The following KIF26B variants were observed in gnomAD, a reference collection of about 807,000 sequenced individuals.
KIF26B encodes the protein kinesin-like protein KIF26B.
KIF26B carries 63 observed loss-of-function variants against 151.2 expected under a neutral mutation model. The observed-to-expected ratio is 0.42, with a 90% CI of 0.34 to 0.51. The LOEUF (loss-of-function observed/expected upper bound fraction) is 0.51, where lower values mean the gene tolerates loss of function less well. Ranked by LOEUF, KIF26B falls within the 20% of genes least tolerant of loss-of-function variation. The probability of loss-of-function intolerance (pLI) is 0.07; values close to 1 mark genes in which losing one functional copy is unlikely to be tolerated. For synonymous variants in KIF26B, 1,357 were observed against 1,262.1 expected (o/e 1.08, Z -1.59); for missense variants, 2,813 against 2,913.6 (o/e 0.97, Z 0.79).
At chr1:245,441,914 C>T (rs1399490325) in intron 4 of KIF26B, among the ~76,000 whole-genome samples, 1 of 152,176 alleles carries the variant, frequency 6.6e-6, no homozygotes, top group Non-Finnish European at 1.5e-5. Context: ...ACAGAATCCA[C>T]AGACACTGGC....
intron 5 of KIF26B, among the ~76,000 whole-genome samples, chr1:245,547,781 A>G (rs1661781267): frequency 6.6e-6 from 1 of 152,138 alleles, no homozygotes; most frequent in Non-Finnish European, 1.5e-5. Flanking sequence ...CGCTACATAT[A>G]AAATACTCAT....
At chr1:245,233,657 T>A (rs1037051039) in intron 2 of KIF26B, among the ~76,000 whole-genome samples, 2 of 152,100 alleles carry the variant, frequency 1.3e-5, no homozygotes, top group Non-Finnish European at 1.5e-5. Flanking sequence ...TAAAAAAAAA[T>A]CTCTTAACTA....
At chr1:245,464,856 C>T (rs1032210817) in intron 4 of KIF26B, among the ~76,000 whole-genome samples, 9 of 152,052 alleles carry the variant, frequency 5.9e-5, no homozygotes, top group African/African-American at 1.9e-4. Context: ...GAGCAGAGAG[C>T]AGTGAGCAGA....
rs577248594 is a variant in KIF26B at position 245,564,990 on chromosome 1, G to A, written c.1350+24040G>A. Among the ~76,000 whole-genome samples the A allele has an allele frequency of 7.2e-5, 11 of 152,248 alleles. No individual in the cohort carries two copies. The highest frequency in any genetic ancestry group is 1.9e-4 in the East Asian group (1 of 5,178). On this transcript the variant is annotated intron_variant, in intron 5 of 14. Coordinates refer to ENST00000407071, the MANE Select transcript of KIF26B (RefSeq NM_018012.4). This position sits in a 1 kb window ranked among gnomAD's most constrained non-coding sequence, Gnocchi z 4.6. ...ACAGGACACCGACTAGCACTGGTCC[G>A]TGGCCTGGGGGTTAGGGAGCCCTGC...
At chr1:245,615,291 T>A (rs917480314) in intron 9 of KIF26B, 1 of 152,210 alleles carries the variant, frequency 6.6e-6, no homozygotes, top group Non-Finnish European at 1.5e-5. Flanking sequence ...CAGAAAAACT[T>A]GGGAGATGGG....
intron 2 of KIF26B, among the ~76,000 whole-genome samples, chr1:245,235,426 T>TAA (rs879421807): frequency 6.9e-6 from 1 of 144,374 alleles, no homozygotes; most frequent in Admixed American, 7.0e-5. Context: ...ATCCTTTCCT[T>TAA]AAAAAAAAAA....
At chr1:245,385,170 G>A (rs151179505) in intron 3 of KIF26B, among the ~76,000 whole-genome samples, 8 of 152,206 alleles carry the variant, frequency 5.3e-5, no homozygotes, top group African/African-American at 1.9e-4. Flanking sequence ...TACACAACAG[G>A]TTTGGCAGAA....
chr1:245,174,684 T>A (rs1404040978), intron 2 of KIF26B, among the ~76,000 whole-genome samples: 1 of 152,088 alleles, frequency 6.6e-6, no homozygotes, highest in Non-Finnish European at 1.5e-5. Context: ...TCAGCAACTA[T>A]TTTTACAGTA....
chr1:245,413,094 C>G (rs1674326435), intron 3 of KIF26B, among the ~76,000 whole-genome samples: 1 of 152,158 alleles, frequency 6.6e-6, no homozygotes, highest in Admixed American at 6.5e-5. Context: ...AGAACTAAAC[C>G]AAATAAAATC....
intron 2 of KIF26B, among the ~76,000 whole-genome samples, chr1:245,360,887 G>A (rs374227148): frequency 5.3e-5 from 8 of 152,274 alleles, no homozygotes; most frequent in Admixed American, 1.3e-4. Context: ...GGCGGTGAAC[G>A]CCTGTAGTCC....
intron 2 of KIF26B, among the ~76,000 whole-genome samples, chr1:245,312,495 A>G (rs1671682453): frequency 1.3e-5 from 2 of 152,040 alleles, no homozygotes; most frequent in African/African-American, 4.8e-5. Context: ...ATTCTAATTC[A>G]TTCCTTTTCT....
chr1:245,661,609 A>G (rs2044140222), intron 10 of KIF26B, among the ~76,000 whole-genome samples: 1 of 151,080 alleles, frequency 6.6e-6, no homozygotes, highest in Non-Finnish European at 1.5e-5. Context: ...ACCCAATGAT[A>G]TATATATACA....
At chr1:245,424,698 T>G (rs1658578438) in intron 4 of KIF26B, among the ~76,000 whole-genome samples, 1 of 152,210 alleles carries the variant, frequency 6.6e-6, no homozygotes, top group Admixed American at 6.5e-5. Context: ...CATCTGCTGA[T>G]GGAATAATTT....
chr1:245,470,079 A>T (rs909624991), intron 4 of KIF26B, among the ~76,000 whole-genome samples: 5 of 151,988 alleles, frequency 3.3e-5, no homozygotes, highest in African/African-American at 1.2e-4. Flanking sequence ...GAGTAATGGG[A>T]GGGTGTTCCG....
intron 2 of KIF26B, among the ~76,000 whole-genome samples, chr1:245,212,027 C>A: frequency 6.6e-6 from 1 of 152,150 alleles, no homozygotes; most frequent in East Asian, 1.9e-4. Flanking sequence ...GGTTTGGAGT[C>A]TTGAGGAAGG....
chr1:245,319,636 CCTT>C (rs1348023318), intron 2 of KIF26B, among the ~76,000 whole-genome samples: 4 of 152,002 alleles, frequency 2.6e-5, no homozygotes, highest in African/African-American at 9.7e-5. Flanking sequence ...CAATCTCTGT[CCTT>C]CTTGGAAAAA....
chr1:245,550,353 C>T (rs1345037213), intron 5 of KIF26B, among the ~76,000 whole-genome samples: 2 of 152,156 alleles, frequency 1.3e-5, no homozygotes, highest in Non-Finnish European at 2.9e-5. Context: ...CTTCAGTTTC[C>T]GCTGAGTTCT....
At chr1:245,464,591 G>C (rs866729974) in intron 4 of KIF26B, among the ~76,000 whole-genome samples, 6 of 145,166 alleles carry the variant, frequency 4.1e-5, no homozygotes, top group Non-Finnish European at 7.5e-5. Flanking sequence ...GCACGTGTGT[G>C]GGTGTGTGCT....
intron 9 of KIF26B, among the ~76,000 whole-genome samples, chr1:245,636,766 C>A (rs978999552): frequency 1.5e-4 from 23 of 151,930 alleles, no homozygotes; most frequent in Admixed American, 1.4e-3. Flanking sequence ...CTTTCCATAC[C>A]TGACTTATTT....
Sources: gnomAD v4.1 joint callset for allele counts (sites outside exome capture counted in the v4.1 genomes callset) on GRCh38, gnomAD v4.1.1 for gene constraint, Gnocchi (gnomAD v3.1) non-coding constraint, MANE v1.5 for transcripts, NCBI Gene and HGNC (gene_info 2026-07-23, HGNC 2026-07-21) for gene names.